Variants in HS3ST4 observed in about 807,000 individuals in gnomAD.
The protein encoded by HS3ST4 is heparan sulfate-glucosamine 3-sulfotransferase 4.
Under a neutral mutation model 29.2 loss-of-function variants are expected in HS3ST4, and 17 were observed. The observed-to-expected ratio is 0.58, with a 90% CI of 0.40 to 0.87. The LOEUF (loss-of-function observed/expected upper bound fraction) is 0.87, where lower values mean the gene tolerates loss of function less well. Among genes scored for constraint, HS3ST4 ranks in the 40% least tolerant of loss-of-function variants. The probability of loss-of-function intolerance (pLI) is 0.00; values close to 1 mark genes in which losing one functional copy is unlikely to be tolerated. For synonymous variants in HS3ST4, 314 were observed against 285.7 expected (o/e 1.10, Z -1.00); for missense variants, 627 against 634.5 (o/e 0.99, Z 0.13).
chr16:26,120,104 A>G (rs62036810), intron 1 of HS3ST4, among the ~76,000 whole-genome samples: 11,643 of 150,458 alleles, frequency 0.077, 538 homozygotes, highest in African/African-American at 0.12. Context: ...TATGTGTGTG[A>G]CAGATACTCT....
At chr16:26,028,272 CAAA>C (rs57920476) in intron 1 of HS3ST4, among the ~76,000 whole-genome samples, 3,396 of 47,988 alleles carry the variant, frequency 0.071, 15 homozygotes, top group Middle Eastern at 0.19. Flanking sequence ...GACACCGTCT[CAAA>C]AAAAAAAAAA....
intron 1 of HS3ST4, among the ~76,000 whole-genome samples, chr16:26,051,549 C>T (rs1416527799): frequency 6.6e-6 from 1 of 151,984 alleles, no homozygotes; most frequent in African/African-American, 2.4e-5. Flanking sequence ...TTAAATATGT[C>T]AAAGATCACA....
intron 1 of HS3ST4, among the ~76,000 whole-genome samples, chr16:26,083,153 C>T (rs763067075): frequency 1.3e-5 from 2 of 152,234 alleles, no homozygotes; most frequent in Non-Finnish European, 2.9e-5. Flanking sequence ...TGCCCTCTGA[C>T]AGCACATAGA....
At chr16:26,012,562 A>G (rs12926546) in intron 1 of HS3ST4, among the ~76,000 whole-genome samples, 36,271 of 152,120 alleles carry the variant, frequency 0.24, 5,900 homozygotes, top group Non-Finnish European at 0.36. Flanking sequence ...ACACATCACA[A>G]CCTCTGCTGA....
chr16:25,854,952 C>G (rs1396181850), intron 1 of HS3ST4, among the ~76,000 whole-genome samples: 1 of 151,978 alleles, frequency 6.6e-6, no homozygotes, highest in Non-Finnish European at 1.5e-5. Flanking sequence ...AAAATGTGTC[C>G]GAGGTGGTTG....
chr16:26,095,146 G>A (rs4479230), intron 1 of HS3ST4, among the ~76,000 whole-genome samples: 82,041 of 151,914 alleles, frequency 0.54, 22,883 homozygotes, highest in African/African-American at 0.67. Context: ...AAGATACTTA[G>A]ACTCCCACAC....
intron 1 of HS3ST4, among the ~76,000 whole-genome samples, chr16:25,911,683 A>AT (rs796230165): frequency 6.6e-6 from 1 of 150,822 alleles, no homozygotes; most frequent in East Asian, 2.0e-4. Context: ...CTCATTTTTA[A>AT]TTTTTTGTAG....
chr16:25,804,676 G>A (rs12102793), intron 1 of HS3ST4, among the ~76,000 whole-genome samples: 33,221 of 151,670 alleles, frequency 0.22, 3,958 homozygotes, highest in Non-Finnish European at 0.25. Flanking sequence ...TGGAGGTGGT[G>A]TTTGTTCTTT....
At chr16:25,880,769 A>G (rs1340203650) in intron 1 of HS3ST4, among the ~76,000 whole-genome samples, 2 of 152,164 alleles carry the variant, frequency 1.3e-5, no homozygotes, top group African/African-American at 4.8e-5. Context: ...AAATAGTAAC[A>G]GGCATGTGGA....
chr16:25,942,250 T>C (rs187364650), intron 1 of HS3ST4, among the ~76,000 whole-genome samples: 9 of 152,304 alleles, frequency 5.9e-5, no homozygotes, highest in Admixed American at 5.9e-4. Flanking sequence ...GGATATCCAT[T>C]GCACAATGAA....
intron 1 of HS3ST4, chr16:26,032,868 G>A (rs765809351): frequency 2.2e-5 from 33 of 1,528,954 alleles, no homozygotes; most frequent in Middle Eastern, 3.4e-4. Flanking sequence ...GCAGTGGCGC[G>A]CGGGCTTTGG....
intron 1 of HS3ST4, among the ~76,000 whole-genome samples, chr16:25,820,093 C>T (rs921053456): frequency 4.8e-5 from 7 of 147,260 alleles, no homozygotes; most frequent in African/African-American, 1.3e-4. Flanking sequence ...TTTTCCTCCT[C>T]GTGTGAATGT....
At chr16:25,762,115 A>C (rs751607908) in intron 1 of HS3ST4, among the ~76,000 whole-genome samples, 1 of 152,194 alleles carries the variant, frequency 6.6e-6, no homozygotes, top group Non-Finnish European at 1.5e-5. Flanking sequence ...CCATGAAGCC[A>C]TAAGAGGATG....
At chr16:26,108,344 A>G (rs1381150470) in intron 1 of HS3ST4, among the ~76,000 whole-genome samples, 1 of 152,168 alleles carries the variant, frequency 6.6e-6, no homozygotes, top group Non-Finnish European at 1.5e-5. Flanking sequence ...TCTTGCTAAG[A>G]TGGGAATCAG....
intron 1 of HS3ST4, among the ~76,000 whole-genome samples, chr16:25,850,858 G>A (rs147474065): frequency 6.6e-6 from 1 of 152,272 alleles, no homozygotes; most frequent in East Asian, 1.9e-4. Flanking sequence ...GAGTATGGTG[G>A]GAGAGGATGA....
chr16:25,883,398 T>A lies in HS3ST4; in HGVS notation c.734+190247T>A, dbSNP rs78935315. Among the ~76,000 whole-genome samples the A allele has an allele frequency of 7.0e-3, 81 of 11,608 alleles. 1 individual carries two copies. The highest frequency in any genetic ancestry group is 0.052 in the East Asian group (40 of 770). 7.6% of individuals were successfully genotyped at this position (11,608 alleles called of 152,430 possible). On this transcript the variant is annotated intron_variant, in intron 1 of 1. Coordinates refer to ENST00000331351, the MANE Select transcript of HS3ST4 (RefSeq NM_006040.3). ...CCTGCTGAAAAAACAACAAAAAAAATACCCCACACTGAAGACAGTGGGCAG... is the reference window on the plus strand; with the variant it reads ...CCTGCTGAAAAAACAACAAAAAAAAAACCCCACACTGAAGACAGTGGGCAG...
chr16:26,053,438 C>A lies in HS3ST4; in HGVS notation c.735-82174C>A, dbSNP rs183389447. 5.1e-4 allele frequency among the ~76,000 whole-genome samples: 78 copies of A among 152,252 alleles called. 1 individual carries two copies. The highest frequency in any genetic ancestry group is 8.1e-4 in the Non-Finnish European group (55 of 68,018). On this transcript the variant is annotated intron_variant, in intron 1 of 1. Coordinates refer to ENST00000331351, the MANE Select transcript of HS3ST4 (RefSeq NM_006040.3). ...TTCCAGAAGATTTAAGCAATAAGAT[C>A]TGAGGAAAAAAGCAGTTCCTATGAT... is the stretch of plus-strand genomic sequence containing the variant.
chr16:26,106,356 A>G (rs548626453), intron 1 of HS3ST4, among the ~76,000 whole-genome samples: 1 of 152,312 alleles, frequency 6.6e-6, no homozygotes, highest in African/African-American at 2.4e-5. Context: ...TGACTTCTCT[A>G]TAAGAACATT....
intron 1 of HS3ST4, among the ~76,000 whole-genome samples, chr16:25,746,327 T>G (rs1412166689): frequency 6.6e-6 from 1 of 151,366 alleles, no homozygotes; most frequent in East Asian, 1.9e-4. Context: ...CAGAGAATGA[T>G]TTTCAGGTCA....
Sources: allele counts gnomAD v4.1 joint callset (sites outside exome capture counted in the v4.1 genomes callset), GRCh38; gene constraint gnomAD v4.1.1; transcripts MANE v1.5; gene names NCBI Gene and HGNC (gene_info 2026-07-23, HGNC 2026-07-21).